The following TRPA1 variants were observed in gnomAD, a reference collection of about 807,000 sequenced individuals.
TRPA1 encodes the protein ankyrin-like with transmembrane domains 1.
Under a neutral mutation model 131.3 loss-of-function variants are expected in TRPA1, and 129 were observed. That is an observed-to-expected ratio of 0.98 (90% CI 0.85 to 1.14). The LOEUF (loss-of-function observed/expected upper bound fraction) is 1.14, where lower values mean the gene tolerates loss of function less well. TRPA1 is among the 50% of genes most tolerant of loss of function. The probability of loss-of-function intolerance (pLI) is 0.00; values close to 1 mark genes in which losing one functional copy is unlikely to be tolerated. For synonymous variants in TRPA1, 441 were observed against 451.7 expected (o/e 0.98, Z 0.30); for missense variants, 1,304 against 1,354.2 (o/e 0.96, Z 0.58).
In TRPA1 at chr8:72,052,697, A is replaced by G; in HGVS notation, c.1713T>C (p.Asn571=). 6.2e-7 allele frequency: 1 copy of G among 1,613,882 alleles called. No individual in the cohort carries two copies. The highest frequency in any genetic ancestry group is 8.5e-7 in the Non-Finnish European group (1 of 1,179,874). Residue 571 remains asparagine (N), a synonymous_variant, in exon 14 of 27, where the codon AAT becomes AAC. Coordinates refer to ENST00000262209, the MANE Select transcript of TRPA1 (RefSeq NM_007332.3). ...GCTGCTTGTTCAGGACTATGTCAGCATTGTGGCTCAGAAGAAGCGCAACGG... is the reference window on the plus strand; with the variant it reads ...GCTGCTTGTTCAGGACTATGTCAGCGTTGTGGCTCAGAAGAAGCGCAACGG... ...AKAVALLLSH[N]ADIVLNKQQA... is the part of the protein sequence containing the mutation.
intron 4 of TRPA1, among the ~76,000 whole-genome samples, chr8:72,064,843 TCTCCATCATCTCCATCA>T (rs1403293891): frequency 2.6e-4 from 4 of 15,332 alleles, no homozygotes; most frequent in Non-Finnish European, 3.6e-4. Flanking sequence ...TAGACAATCA[TCTCCATCATCTCCATCA>T]TCTCCATCGC....
chr8:72,066,156 T>C (rs945580784), intron 3 of TRPA1, among the ~76,000 whole-genome samples: 1 of 152,206 alleles, frequency 6.6e-6, no homozygotes, highest in Non-Finnish European at 1.5e-5. Flanking sequence ...AAACTTTCTC[T>C]ACAATGTAAG....
Position 72,052,626 on chromosome 8 carries a change from AC to A in TRPA1, c.1783del (p.Val595LeufsTer32), listed in dbSNP as rs749526133. 1.9e-6 allele frequency: 3 copies of A among 1,613,590 alleles called. No individual in the cohort carries two copies. On this transcript the variant is annotated frameshift_variant, in exon 14 of 27. Transcript: ENST00000262209. LOFTEE classifies it high-confidence loss of function. ...HLALHNKRKE[V>X]VLTIIRSKRW... ...TTTGCTCCTGATGATCGTAAGAACA[AC>A]CTCCTTCCTCTTATTGTGAAGTGCA...
chr8:72,082,006 C>T, the TRPA1 span, among the ~76,000 whole-genome samples: 1 of 151,662 alleles, frequency 6.6e-6, no homozygotes, highest in Non-Finnish European at 1.5e-5. Context: ...ATGGAACTGC[C>T]ATTTTAATAT....
At chr8:72,067,484 G>C (rs751759620) in intron 3 of TRPA1, among the ~76,000 whole-genome samples, 4 of 152,026 alleles carry the variant, frequency 2.6e-5, no homozygotes, top group Admixed American at 6.5e-5. Flanking sequence ...GAATCAGTTG[G>C]GAGCTTTATT....
the TRPA1 span, among the ~76,000 whole-genome samples, chr8:72,083,768 C>A: frequency 2.0e-5 from 3 of 149,954 alleles, no homozygotes; most frequent in African/African-American, 7.5e-5. Context: ...AACGAACAAA[C>A]AAAAAAAAAT....
At position 72,046,603 on chromosome 8, in the gene TRPA1, C is replaced by T; in HGVS notation, c.1971G>A (p.Glu657=). Residue 657 remains glutamate, a synonymous_variant, in exon 17 of 27, where the codon GAG becomes GAA. Transcript: ENST00000262209. ...EDKSCRDYYI[E]YNFKYLQCPL... is the part of the protein sequence containing the mutation. ...GACATTGAAGATATTTGAAATTATA[C>T]TCGATCTGTAGAAGACAGAATTTTT... 3 of 1,559,260 alleles carry T rather than the reference C, an allele frequency of 1.9e-6. No homozygotes were observed. Among genetic ancestry groups the T allele is most frequent in the Admixed American group, 1.7e-5 (1 of 59,196 alleles).
chr8:72,038,280 A>T (rs1381343759), intron 19 of TRPA1, among the ~76,000 whole-genome samples: 1 of 151,998 alleles, frequency 6.6e-6, no homozygotes, highest in African/African-American at 2.4e-5. Flanking sequence ...GAATGTCCTT[A>T]TTAAGTGAAG....
intron 3 of TRPA1, among the ~76,000 whole-genome samples, chr8:72,066,424 A>G (rs1245347698): frequency 6.6e-6 from 1 of 152,236 alleles, no homozygotes; most frequent in Non-Finnish European, 1.5e-5. Context: ...ATAATTAAAT[A>G]ATGTTAAAAG....
chr8:72,059,777 T>C (rs1484832205), intron 7 of TRPA1, among the ~76,000 whole-genome samples: 1 of 152,212 alleles, frequency 6.6e-6, no homozygotes, highest in Non-Finnish European at 1.5e-5. Flanking sequence ...GGTATTGCTA[T>C]GATCCTGGGG....
chr8:72,023,157 T>G (rs776052859), intron 26 of TRPA1, 41 bp from the exon 27 acceptor site: 2 of 1,577,860 alleles, frequency 1.3e-6, no homozygotes, highest in Admixed American at 1.7e-5. Flanking sequence ...TTTTCAGTTC[T>G]TCTTTTAGCC....
chr8:72,053,849 T>C lies in TRPA1; in HGVS notation c.1548A>G (p.Thr516=). ...ALFLSDHNGW[T]ALHHASMGGY... ...CGCCCATGGACGCATGATGCAAAGC[T>C]GTCCAGCCATTGTGGTCACTGGTAA... Residue 516 remains threonine, a synonymous_variant, in exon 13 of 27, where the codon ACA becomes ACG. Transcript: ENST00000262209. 6.2e-7 allele frequency: 1 copy of C among 1,611,646 alleles called. No homozygotes were observed. The highest frequency in any genetic ancestry group is 8.5e-7 in the Non-Finnish European group (1 of 1,179,612).
intron 7 of TRPA1, chr8:72,060,342 A>T (rs1160399035): frequency 1.3e-5 from 2 of 152,078 alleles, no homozygotes; most frequent in Non-Finnish European, 2.9e-5. Flanking sequence ...GATTCATCTT[A>T]AAGATTTTCA....
chr8:72,074,818 A>C (rs530829519), intron 1 of TRPA1, among the ~76,000 whole-genome samples: 2 of 152,302 alleles, frequency 1.3e-5, no homozygotes, highest in South Asian at 2.1e-4. Context: ...CATTTTCTGC[A>C]ACGCTCTAAG....
chr8:72,023,546 G>A (rs1322292346), intron 26 of TRPA1: 2 of 436,514 alleles, frequency 4.6e-6, no homozygotes, highest in African/African-American at 2.0e-5. Flanking sequence ...GAAGAATACA[G>A]TTTATGATAC....
chr8:72,052,502 G>T, intron 14 of TRPA1, 97 bp downstream of exon 14: 2 of 1,494,418 alleles, frequency 1.3e-6, no homozygotes, highest in East Asian at 2.3e-5. Flanking sequence ...TTTGATTAAT[G>T]GCTGAAAATC....
rs1266196218 is a variant in TRPA1 at position 72,021,762 on chromosome 8, T to C, written c.*1144A>G. Reference sequence around the variant, plus strand: ...AGGCCCCGTACTAGATGGAATACAGTAACACAGTTGTATCTTGTAAACATC... The same window carrying C: ...AGGCCCCGTACTAGATGGAATACAGCAACACAGTTGTATCTTGTAAACATC... On this transcript the variant is annotated 3_prime_UTR_variant, in exon 27 of 27. Coordinates refer to ENST00000262209, the MANE Select transcript of TRPA1 (RefSeq NM_007332.3). 6.6e-6 allele frequency: 1 copy of C among 152,040 alleles called. No individual in the cohort carries two copies. The highest frequency in any genetic ancestry group is 2.4e-5 in the African/African-American group (1 of 41,402). The allele number at this position is 152,040 out of a possible 1,614,324, so 9.4% of individuals were successfully genotyped here.
chr8:72,037,916 A>G, intron 20 of TRPA1, 67 bp downstream of exon 20: 1 of 920,476 alleles, frequency 1.1e-6, no homozygotes, highest in Non-Finnish European at 1.8e-6. Context: ...GTAATAGCTT[A>G]TCAATTAACT....
chr8:72,029,798 G>A lies in TRPA1; in HGVS notation c.2937+103C>T, dbSNP rs1283245214. ...TGTAAGTAGTATAAATTTATAACTG[G>A]CATATTCCTACAAAATGCCCATTTT... On this transcript the variant is annotated intron_variant, in intron 24 of 26. Coordinates refer to ENST00000262209, the MANE Select transcript of TRPA1 (RefSeq NM_007332.3). The A allele has an allele frequency of 1.3e-5, 13 of 1,034,972 alleles. No individual in the cohort carries two copies. In the East Asian group the frequency reaches 1.3e-4, roughly 10 times the overall value. The allele number at this position is 1,034,972 out of a possible 1,614,324, so 64.1% of individuals were successfully genotyped here. A position where few individuals can be genotyped will look rare whatever the true frequency, so the allele number is the denominator to read the frequency against.
Sources: allele counts gnomAD v4.1 joint callset (sites outside exome capture counted in the v4.1 genomes callset), GRCh38; gene constraint gnomAD v4.1.1; transcripts MANE v1.5; gene names NCBI Gene and HGNC (gene_info 2026-07-23, HGNC 2026-07-21).